MEI4: variants seen among roughly 807,000 people sequenced by gnomAD.
MEI4 encodes meiosis-specific protein MEI4.
In MEI4, 27 loss-of-function variants were observed where a neutral mutation model predicts 31.4. That is an observed-to-expected ratio of 0.86 (90% CI 0.63 to 1.19). The LOEUF (loss-of-function observed/expected upper bound fraction) is 1.19, where lower values mean the gene tolerates loss of function less well. Among genes scored for constraint, MEI4 ranks in the 50% most tolerant of loss-of-function variants. MEI4 has a pLI of 0.00. For missense variants in MEI4, 329 were observed against 398.9 expected (o/e 0.82, Z 1.49); for synonymous variants, 122 against 145.4 (o/e 0.84, Z 1.16).
intron 2 of MEI4, among the ~76,000 whole-genome samples, chr6:77,733,445 T>C (rs984672512): frequency 5.3e-5 from 8 of 152,130 alleles, no homozygotes; most frequent in Non-Finnish European, 1.0e-4. Flanking sequence ...CTGATGGTAG[T>C]TTGTATTTCT....
chr6:77,713,657 G>A (rs1766516168), intron 2 of MEI4, among the ~76,000 whole-genome samples: 1 of 152,134 alleles, frequency 6.6e-6, no homozygotes, highest in African/African-American at 2.4e-5. Context: ...GTGTTACTGT[G>A]TTCAGTGATT....
chr6:77,656,748 A>C (rs933850652), intron 1 of MEI4, among the ~76,000 whole-genome samples: 1 of 152,148 alleles, frequency 6.6e-6, no homozygotes, highest in African/African-American at 2.4e-5. Context: ...ATTTACTCTT[A>C]ATAATCCACT....
intron 3 of MEI4, among the ~76,000 whole-genome samples, chr6:77,814,505 C>T (rs746041685): frequency 8.5e-5 from 13 of 152,088 alleles, no homozygotes; most frequent in Non-Finnish European, 1.9e-4. Context: ...ATAATCCTGT[C>T]TATGTAAACA....
chr6:77,851,567 G>A (rs1027997036), intron 4 of MEI4, among the ~76,000 whole-genome samples: 1 of 147,266 alleles, frequency 6.8e-6, no homozygotes, highest in Non-Finnish European at 1.5e-5. Flanking sequence ...CTCGCTCATA[G>A]GTGGGAATTG....
rs1768596788 is a variant in MEI4, at chr6:77,781,540, T to A, written c.768+19875T>A. Among the ~76,000 whole-genome samples, 4 of 152,300 alleles carry A rather than the reference T, an allele frequency of 2.6e-5. No homozygotes were observed. In the South Asian group the frequency reaches 8.3e-4, roughly 32 times the overall value. ...AATTCAATTCTCATTTTTAATAATATCCCCAGGTAATTCACATAAACATTA... is the reference window on the plus strand; with the variant it reads ...AATTCAATTCTCATTTTTAATAATAACCCCAGGTAATTCACATAAACATTA... On this transcript the variant is annotated intron_variant, in intron 3 of 4. Transcript: ENST00000684080.
At chr6:77,752,897 A>G (rs920267532) in intron 2 of MEI4, among the ~76,000 whole-genome samples, 1 of 152,234 alleles carries the variant, frequency 6.6e-6, no homozygotes, top group African/African-American at 2.4e-5. Context: ...CTGGTACCAA[A>G]ACAGATATAT....
At chr6:77,902,597 C>G (rs1766207346) in intron 4 of MEI4, among the ~76,000 whole-genome samples, 1 of 152,060 alleles carries the variant, frequency 6.6e-6, no homozygotes, top group Non-Finnish European at 1.5e-5. Context: ...CTCCAAATCA[C>G]TAAGCTATAG....
chr6:77,676,306 TTAATAA>T (rs1228795163), intron 1 of MEI4, among the ~76,000 whole-genome samples: 2 of 151,864 alleles, frequency 1.3e-5, no homozygotes, highest in African/African-American at 4.8e-5. Flanking sequence ...ATTATTGTAA[TTAATAA>T]TAATAATAAA....
intron 3 of MEI4, among the ~76,000 whole-genome samples, chr6:77,789,699 A>G (rs1228948688): frequency 6.6e-6 from 1 of 152,220 alleles, no homozygotes; most frequent in Non-Finnish European, 1.5e-5. Context: ...TCAAAACCAC[A>G]ATGAGATACC....
chr6:77,687,707 T>C (rs1769084113), intron 1 of MEI4, among the ~76,000 whole-genome samples: 1 of 152,016 alleles, frequency 6.6e-6, no homozygotes, highest in Non-Finnish European at 1.5e-5. Flanking sequence ...CAGTTTACTA[T>C]AAAAAATACA....
At chr6:77,706,801 C>G (rs546092456) in intron 2 of MEI4, among the ~76,000 whole-genome samples, 1 of 152,160 alleles carries the variant, frequency 6.6e-6, no homozygotes, top group Non-Finnish European at 1.5e-5. Context: ...CCATGTGATA[C>G]ACCGGCTCCC....
At chr6:77,835,581 T>G (rs544724802) in intron 4 of MEI4, among the ~76,000 whole-genome samples, 12 of 152,154 alleles carry the variant, frequency 7.9e-5, no homozygotes, top group Admixed American at 7.9e-4. Flanking sequence ...CAATATCTTT[T>G]TAAAAATTAC....
intron 3 of MEI4, among the ~76,000 whole-genome samples, chr6:77,828,422 G>T (rs1246415510): frequency 6.6e-6 from 1 of 152,004 alleles, no homozygotes; most frequent in African/African-American, 2.4e-5. Flanking sequence ...GCATGCAAGG[G>T]ATCTAGGTTG....
chr6:77,704,605 A>C (rs1306505432), intron 2 of MEI4, among the ~76,000 whole-genome samples: 3 of 152,156 alleles, frequency 2.0e-5, no homozygotes, highest in Non-Finnish European at 4.4e-5. Flanking sequence ...TTCTGTTAAG[A>C]ATCAGAAATT....
intron 3 of MEI4, among the ~76,000 whole-genome samples, chr6:77,767,525 T>C (rs527390172): frequency 1.3e-5 from 2 of 152,078 alleles, no homozygotes; most frequent in African/African-American, 4.8e-5. Flanking sequence ...TGAGACCCTG[T>C]CTCTACAAAA....
At chr6:77,743,721 G>C (rs974956055) in intron 2 of MEI4, among the ~76,000 whole-genome samples, 1 of 152,206 alleles carries the variant, frequency 6.6e-6, no homozygotes, top group Non-Finnish European at 1.5e-5. Flanking sequence ...GCACCCCCCA[G>C]TAGGGGCAGA....
chr6:77,805,158 A>G (rs1374198201), intron 3 of MEI4, among the ~76,000 whole-genome samples: 2 of 152,156 alleles, frequency 1.3e-5, no homozygotes, highest in Non-Finnish European at 2.9e-5. Flanking sequence ...AAAGGTAAAT[A>G]ATATGTAAAA....
intron 4 of MEI4, among the ~76,000 whole-genome samples, chr6:77,850,216 T>C (rs1289319293): frequency 4.6e-5 from 7 of 152,120 alleles, no homozygotes; most frequent in Admixed American, 6.6e-5. Flanking sequence ...CTGCCCAAGG[T>C]AATTTATAGA....
At chr6:77,752,553 G>C (rs537623056) in intron 2 of MEI4, among the ~76,000 whole-genome samples, 121 of 152,118 alleles carry the variant, frequency 8.0e-4, no homozygotes, top group Non-Finnish European at 1.5e-3. Flanking sequence ...ACTTACAAGG[G>C]ATGTGAAGGA....
Sources: allele counts gnomAD v4.1 joint callset (sites outside exome capture counted in the v4.1 genomes callset), GRCh38; gene constraint gnomAD v4.1.1; transcripts MANE v1.5; gene names NCBI Gene and HGNC (gene_info 2026-07-23, HGNC 2026-07-21).